The following PREX1 variants were observed in gnomAD, a reference collection of about 807,000 sequenced individuals.
The protein encoded by PREX1 is phosphatidylinositol-3,4,5-trisphosphate dependent Rac exchange factor 1, also known as phosphatidylinositol 3,4,5-trisphosphate-dependent Rac exchanger 1 protein.
Under a neutral mutation model 198.3 loss-of-function variants are expected in PREX1, and 41 were observed. The observed-to-expected ratio is 0.21, with a 90% CI of 0.16 to 0.27. PREX1 has a LOEUF of 0.27. PREX1 is among the 10% of genes least tolerant of loss of function. The pLI, the probability that PREX1 is intolerant of heterozygous loss-of-function variation, is 1.00. For missense variants in PREX1, 1,620 were observed against 2,200.7 expected (o/e 0.74, Z 5.28); for synonymous variants, 843 against 887.2 (o/e 0.95, Z 0.89).
At chr20:48,681,790 A>G (rs965454944) in intron 10 of PREX1, among the ~76,000 whole-genome samples, 12 of 152,162 alleles carry the variant, frequency 7.9e-5, no homozygotes, top group Non-Finnish European at 1.3e-4. Flanking sequence ...GAACAGACAG[A>G]TGACTTAATA....
intron 1 of PREX1, among the ~76,000 whole-genome samples, chr20:48,780,976 C>T (rs531381235): frequency 2.0e-5 from 3 of 152,322 alleles, no homozygotes; most frequent in Admixed American, 6.5e-5. Flanking sequence ...GGGCACATCG[C>T]TCCTGGGGTA....
chr20:48,851,489 G>A, the PREX1 span, among the ~76,000 whole-genome samples: 2 of 152,052 alleles, frequency 1.3e-5, no homozygotes, highest in East Asian at 1.9e-4. Context: ...CATGGGTGAC[G>A]GAGCAAGACT....
At chr20:48,642,355 G>C (rs1236082130) in intron 28 of PREX1, 52 bp downstream of exon 28, 1 of 1,603,780 alleles carries the variant, frequency 6.2e-7, no homozygotes, top group South Asian at 1.1e-5. Flanking sequence ...GCCCTCCCCA[G>C]GTGTGACAGG....
intron 33 of PREX1, among the ~76,000 whole-genome samples, chr20:48,634,085 CGG>C (rs2089338909): frequency 8.1e-6 from 1 of 122,764 alleles, no homozygotes; most frequent in Non-Finnish European, 1.7e-5. Flanking sequence ...GATGGATGGA[CGG>C]ATGGATGGAT....
At chr20:48,872,733 G>A in the PREX1 span, among the ~76,000 whole-genome samples, 14 of 152,210 alleles carry the variant, frequency 9.2e-5, no homozygotes, top group African/African-American at 3.1e-4. Context: ...GCAACAGAGC[G>A]AGACTCTGTC....
At chr20:48,762,691 T>TATGAAG (rs1568854858) in intron 1 of PREX1, among the ~76,000 whole-genome samples, 1 of 150,516 alleles carries the variant, frequency 6.6e-6, no homozygotes, top group Non-Finnish European at 1.5e-5. Context: ...CTGCTAATGG[T>TATGAAG]ATGAAGTTTC....
chr20:48,853,725 A>G, the PREX1 span, among the ~76,000 whole-genome samples: 3 of 152,192 alleles, frequency 2.0e-5, no homozygotes, highest in African/African-American at 4.8e-5. Flanking sequence ...AGGACAGTCA[A>G]TACAGTGTGT....
intron 5 of PREX1, among the ~76,000 whole-genome samples, chr20:48,724,005 G>T (rs2089998732): frequency 6.6e-6 from 1 of 152,208 alleles, no homozygotes; most frequent in East Asian, 1.9e-4. Context: ...GATGTTCAAG[G>T]TTTTGAAACG....
At chr20:48,647,914 G>A (rs150100883) in intron 25 of PREX1, among the ~76,000 whole-genome samples, 7 of 152,164 alleles carry the variant, frequency 4.6e-5, no homozygotes, top group African/African-American at 7.2e-5. Context: ...GGAGCATTTT[G>A]TTTTGTTTTG....
intron 1 of PREX1, among the ~76,000 whole-genome samples, chr20:48,821,527 C>A (rs2090484702): frequency 6.6e-6 from 1 of 152,202 alleles, no homozygotes; most frequent in African/African-American, 2.4e-5. Context: ...ACCCTATCAC[C>A]CACCTCCCTC....
At position 48,708,308 on chromosome 20, in the gene PREX1, C is replaced by T; in HGVS notation, c.735G>A (p.Glu245=). 6.2e-7 allele frequency: 1 copy of T among 1,614,204 alleles called. No individual in the cohort carries two copies. The highest frequency in any genetic ancestry group is 2.2e-5 in the East Asian group (1 of 44,866). The part of the protein sequence containing the change: ...SNINETKRQM[E]KLEALEQLQS... ...GCAGCTGCTCCAGGGCTTCCAGCTTCTCCATCTGCCGCTTGGTCTCATTGA... is the reference window on the plus strand; with the variant it reads ...GCAGCTGCTCCAGGGCTTCCAGCTTTTCCATCTGCCGCTTGGTCTCATTGA... The change falls in exon 6 of 40, where the codon GAG becomes GAA. Residue 245 remains glutamate, a synonymous_variant. Coordinates refer to ENST00000371941, the MANE Select transcript of PREX1 (RefSeq NM_020820.4).
the PREX1 span, among the ~76,000 whole-genome samples, chr20:48,836,137 TGGA>T: frequency 2.6e-5 from 4 of 151,996 alleles, no homozygotes; most frequent in Admixed American, 6.6e-5. Context: ...GCTGCTTTGG[TGGA>T]GAAGATGGAG....
At chr20:48,860,854 G>GA in the PREX1 span, among the ~76,000 whole-genome samples, 1 of 149,430 alleles carries the variant, frequency 6.7e-6, no homozygotes, top group Non-Finnish European at 1.5e-5. Flanking sequence ...AAAAAGGCCA[G>GA]ACGCAGTGGC....
At chr20:48,650,296 G>A (rs531831656) in intron 23 of PREX1, 90 bp from the exon 24 acceptor site, 1 of 1,295,308 alleles carries the variant, frequency 7.7e-7, no homozygotes, top group East Asian at 2.4e-5. Context: ...TCCTGGCCTA[G>A]GCCAGATGCC....
intron 14 of PREX1, among the ~76,000 whole-genome samples, chr20:48,669,033 A>G (rs1361234257): frequency 6.6e-6 from 1 of 152,088 alleles, no homozygotes. Context: ...CTGAACAGGA[A>G]GCCCTGCCAC....
chr20:48,776,706 CCT>C (rs2090264096), intron 1 of PREX1, among the ~76,000 whole-genome samples: 1 of 152,170 alleles, frequency 6.6e-6, no homozygotes, highest in Non-Finnish European at 1.5e-5. Flanking sequence ...CACTCAGTCT[CCT>C]CTCTGGAAGG....
chr20:48,664,641 A>G (rs1027196474), intron 15 of PREX1, among the ~76,000 whole-genome samples: 2 of 152,262 alleles, frequency 1.3e-5, no homozygotes, highest in Admixed American at 1.3e-4. Context: ...CAGGAAACTC[A>G]GGGATCCCCC....
intron 14 of PREX1, among the ~76,000 whole-genome samples, chr20:48,667,746 G>A (rs1044862463): frequency 1.3e-5 from 2 of 152,228 alleles, no homozygotes; most frequent in Non-Finnish European, 2.9e-5. Flanking sequence ...CCGTGTGCTG[G>A]ACCCTGCGGG....
rs977835410 is a variant in PREX1, at chr20:48,825,582, G to C, written c.219+2060C>G. Among the ~76,000 whole-genome samples, 13 of 152,110 alleles carry C rather than the reference G, an allele frequency of 8.5e-5. No individual in the cohort carries two copies. The South Asian group carries it at 2.1e-3, about 24-fold the overall frequency. On this transcript the variant is annotated intron_variant, in intron 1 of 39. Transcript: ENST00000371941. Reference sequence around the variant, plus strand: ...GCTTCCTCCTACTCTACACGTGGACGATTTAAAACCACAGTTAACTCAAAC... The same window carrying C: ...GCTTCCTCCTACTCTACACGTGGACCATTTAAAACCACAGTTAACTCAAAC...
Sources: allele counts gnomAD v4.1 joint callset (sites outside exome capture counted in the v4.1 genomes callset), GRCh38; gene constraint gnomAD v4.1.1; transcripts MANE v1.5; gene names NCBI Gene and HGNC (gene_info 2026-07-23, HGNC 2026-07-21).